GTF2IRD1: variants seen among roughly 807,000 people sequenced by gnomAD.
GTF2IRD1 encodes the protein GTF2I repeat domain containing 1, also known as general transcription factor II-I repeat domain-containing protein 1.
Under a neutral mutation model 113.2 loss-of-function variants are expected in GTF2IRD1, and 26 were observed. That is an observed-to-expected ratio of 0.23 (90% confidence interval 0.17 to 0.32). The LOEUF (loss-of-function observed/expected upper bound fraction) is 0.32, where lower values mean the gene tolerates loss of function less well. Among genes scored for constraint, GTF2IRD1 ranks in the 10% least tolerant of loss-of-function variants. GTF2IRD1 has a pLI of 1.00. For missense variants in GTF2IRD1, 864 were observed against 1,280.8 expected (o/e 0.67, Z 4.97); for synonymous variants, 484 against 529.1 (o/e 0.91, Z 1.17).
At chr7:74,570,159 C>T (rs183312101) in intron 22 of GTF2IRD1, among the ~76,000 whole-genome samples, 32 of 152,030 alleles carry the variant, frequency 2.1e-4, no homozygotes, top group African/African-American at 7.7e-4. Flanking sequence ...GTCGGGAGTT[C>T]GAAACCAGCC....
chr7:74,567,377 G>A lies in GTF2IRD1; in HGVS notation c.2320+7722G>A, dbSNP rs1364300935. ...AGAGAGAGGTGGAAAGTCCGCAGGT[G>A]AAGCCCAGGGAGAAACTTACTGAAG... On this transcript the variant is annotated intron_variant, in intron 22 of 26. Transcript: ENST00000424337. Among the ~76,000 whole-genome samples the A allele has an allele frequency of 6.4e-4, 97 of 151,908 alleles. 1 individual carries two copies. Among genetic ancestry groups the A allele is most frequent in the Admixed American group, 6.4e-3 (97 of 15,214 alleles).
intron 1 of GTF2IRD1, among the ~76,000 whole-genome samples, chr7:74,468,205 C>A (rs1230074952): frequency 1.3e-5 from 2 of 152,036 alleles, no homozygotes; most frequent in Non-Finnish European, 2.9e-5. Flanking sequence ...TAGCAAATAT[C>A]TAAATATTAA....
At chr7:74,523,702 CAG>C (rs1797423809) in intron 7 of GTF2IRD1, among the ~76,000 whole-genome samples, 1 of 151,810 alleles carries the variant, frequency 6.6e-6, no homozygotes, top group African/African-American at 2.4e-5. Context: ...GCCTGGGTGA[CAG>C]AGTGAGTCAC....
chr7:74,521,711 G>A (rs997739094), intron 7 of GTF2IRD1, among the ~76,000 whole-genome samples: 2 of 152,132 alleles, frequency 1.3e-5, no homozygotes, highest in African/African-American at 4.8e-5. Context: ...GCAGTGAGCT[G>A]TGATCGCACC....
chr7:74,591,932 GTT>G (rs1167078776), intron 24 of GTF2IRD1, among the ~76,000 whole-genome samples: 1 of 142,814 alleles, frequency 7.0e-6, no homozygotes, highest in African/African-American at 2.6e-5. Flanking sequence ...GGGTGGCCCA[GTT>G]TTTTTTTTTT....
chr7:74,500,829 TCCTCCTG>T (rs1245317545), intron 1 of GTF2IRD1, among the ~76,000 whole-genome samples: 1 of 152,100 alleles, frequency 6.6e-6, no homozygotes, highest in East Asian at 1.9e-4. Context: ...GCTCAAGTGA[TCCTCCTG>T]CCTCAGCCTC....
chr7:74,600,830 G>C (rs1554373738), intron 25 of GTF2IRD1: 2 of 602,968 alleles, frequency 3.3e-6, no homozygotes, highest in African/African-American at 3.7e-5. Context: ...AAGAGCAGGA[G>C]GCCGGGGAGA....
At chr7:74,531,933 G>C (rs1450666560) in intron 9 of GTF2IRD1, among the ~76,000 whole-genome samples, 1 of 152,128 alleles carries the variant, frequency 6.6e-6, no homozygotes, top group African/African-American at 2.4e-5. Flanking sequence ...ATTCCTACTG[G>C]GATACAATAG....
chr7:74,464,878 A>G (rs1236504168), intron 1 of GTF2IRD1, among the ~76,000 whole-genome samples: 2 of 151,832 alleles, frequency 1.3e-5, no homozygotes, highest in Non-Finnish European at 2.9e-5. Flanking sequence ...GGGTTCCCCA[A>G]AGTCCTCAAA....
chr7:74,575,773 T>C (rs782088769), intron 22 of GTF2IRD1, among the ~76,000 whole-genome samples: 51 of 152,144 alleles, frequency 3.4e-4, no homozygotes, highest in Non-Finnish European at 7.1e-4. Flanking sequence ...ATCAGGCGTG[T>C]TCAATCTGGG....
intron 1 of GTF2IRD1, among the ~76,000 whole-genome samples, chr7:74,501,815 CTAATTTTTAAATTTTT>C (rs1554339607): frequency 6.6e-6 from 1 of 152,066 alleles, no homozygotes; most frequent in African/African-American, 2.4e-5. Flanking sequence ...CAGTGCCTGG[CTAATTTTTAAATTTTT>C]AGTAGAGGTG....
chr7:74,580,229 A>G (rs1292390511), intron 22 of GTF2IRD1, among the ~76,000 whole-genome samples: 13 of 152,250 alleles, frequency 8.5e-5, no homozygotes, highest in African/African-American at 2.9e-4. Flanking sequence ...TGCAGCCGTG[A>G]ACTCTGCCCG....
At chr7:74,479,601 C>G (rs1314337937) in intron 1 of GTF2IRD1, among the ~76,000 whole-genome samples, 1 of 152,202 alleles carries the variant, frequency 6.6e-6, no homozygotes, top group East Asian at 1.9e-4. Flanking sequence ...GCCAACTCCC[C>G]TGGGAGGGTC....
At chr7:74,596,855 C>T (rs1336877174) in intron 25 of GTF2IRD1, among the ~76,000 whole-genome samples, 1 of 152,030 alleles carries the variant, frequency 6.6e-6, no homozygotes, top group African/African-American at 2.4e-5. Context: ...TGAGATCAGG[C>T]AAGATCGGGT....
chr7:74,541,184 A>G (rs1680522700), intron 14 of GTF2IRD1, among the ~76,000 whole-genome samples: 1 of 151,704 alleles, frequency 6.6e-6, no homozygotes, highest in Non-Finnish European at 1.5e-5. Flanking sequence ...GCGGAGAGAT[A>G]AACAGTAAGC....
rs561902016 is a variant in GTF2IRD1, at chr7:74,459,234, C to A, written c.-7+5058C>A. Among the ~76,000 whole-genome samples the A allele has an allele frequency of 6.6e-5, 10 of 152,184 alleles. No individual in the cohort carries two copies. In the East Asian group the frequency reaches 1.2e-3, roughly 18 times the overall value. ...TTGCACTTCGGGAGACCGAGGCGGG[C>A]GGATCACCTGAGGTCAGGAGTTTGA... is the stretch of plus-strand genomic sequence containing the variant. On this transcript the variant is annotated intron_variant, in intron 1 of 26. Transcript: ENST00000424337.
chr7:74,498,784 A>G (rs1006832790), intron 1 of GTF2IRD1, among the ~76,000 whole-genome samples: 5 of 147,586 alleles, frequency 3.4e-5, no homozygotes, highest in Non-Finnish European at 7.4e-5. Flanking sequence ...GCTGGAGTGC[A>G]GTGGCAAGAT....
chr7:74,594,855 G>T (rs1400826885), intron 24 of GTF2IRD1, among the ~76,000 whole-genome samples, 159 bp from the exon 25 acceptor site: 59 of 152,144 alleles, frequency 3.9e-4, no homozygotes, highest in African/African-American at 1.3e-3. Context: ...GGGAGGCTGA[G>T]ACAGGAGAAT....
intron 1 of GTF2IRD1, among the ~76,000 whole-genome samples, chr7:74,462,060 A>G (rs1554329421): frequency 6.6e-6 from 1 of 152,144 alleles, no homozygotes; most frequent in Non-Finnish European, 1.5e-5. Context: ...CAACATAGTG[A>G]AACCTCCATC....
Sources: gnomAD v4.1 joint callset for allele counts (sites outside exome capture counted in the v4.1 genomes callset) on GRCh38, gnomAD v4.1.1 for gene constraint, MANE v1.5 for transcripts, NCBI Gene and HGNC (gene_info 2026-07-23, HGNC 2026-07-21) for gene names.